RECQL5: variants seen among roughly 807,000 people sequenced by gnomAD.
RECQL5 encodes RecQ like helicase 5.
In RECQL5, 88 loss-of-function variants were observed where a neutral mutation model predicts 103.4. That is an observed-to-expected ratio of 0.85 (90% CI 0.72 to 1.02). RECQL5 has a LOEUF of 1.02. RECQL5 is among the 50% of genes least tolerant of loss of function. The probability of loss-of-function intolerance (pLI) is 0.00; values close to 1 mark genes in which losing one functional copy is unlikely to be tolerated. For synonymous variants in RECQL5, 552 were observed against 507.9 expected (o/e 1.09, Z -1.17); for missense variants, 1,232 against 1,284.3 (o/e 0.96, Z 0.62).
chr17:75,657,763 A>C (rs1420419622), intron 7 of RECQL5, among the ~76,000 whole-genome samples: 1 of 151,826 alleles, frequency 6.6e-6, no homozygotes, highest in African/African-American at 2.4e-5. Flanking sequence ...AAAAAAAAAA[A>C]AAAAAGGTGG....
chr17:75,651,005 G>C, intron 8 of RECQL5, 181 bp downstream of exon 8: 1 of 1,512,018 alleles, frequency 6.6e-7, no homozygotes. Context: ...GAGAGATCCC[G>C]GGGCCTCCAA....
Position 75,655,990 on chromosome 17 carries a change from T to C in RECQL5, c.1149+2308A>G, listed in dbSNP as rs530355745. Among the ~76,000 whole-genome samples, 5 of 150,502 alleles carry C rather than the reference T, an allele frequency of 3.3e-5. No homozygotes were observed. In the East Asian group the frequency reaches 1.0e-3, roughly 31 times the overall value. ...AGCCACTGCTCCTGGCCCCAGAGCT[T>C]GTTTTCTCTTGGTGAGATTTTAGTT... is the stretch of plus-strand genomic sequence containing the variant. On this transcript the variant is annotated intron_variant, in intron 7 of 19. Transcript: ENST00000317905.
intron 4 of RECQL5, among the ~76,000 whole-genome samples, chr17:75,662,169 A>T (rs986256997): frequency 2.6e-5 from 4 of 152,136 alleles, no homozygotes; most frequent in African/African-American, 7.2e-5. Context: ...CTCAAAAAAA[A>T]AACAGGCCAA....
chr17:75,658,619 C>T (rs888338122), intron 6 of RECQL5, among the ~76,000 whole-genome samples, 159 bp from the exon 7 acceptor site: 5 of 152,110 alleles, frequency 3.3e-5, no homozygotes, highest in East Asian at 3.9e-4. Context: ...CCCATCAGCA[C>T]GTCTCCCTTC....
Position 75,640,102 on chromosome 17 carries a change from C to A in RECQL5, c.1230-8434G>T. 7.0e-7 allele frequency: 1 copy of A among 1,425,938 alleles called. No homozygotes were observed. The highest frequency in any genetic ancestry group is 9.2e-7 in the Non-Finnish European group (1 of 1,087,988). The allele number at this position is 1,425,938 out of a possible 1,614,324, so 88.3% of individuals were successfully genotyped here. ...CTGCGGATGGGTGCGAGGGTGGAAT[C>A]TCGGTGCTGCGACGAGTGTGGGGCC... On this transcript the variant is annotated intron_variant, in intron 8 of 19. Coordinates refer to ENST00000317905, the MANE Select transcript of RECQL5 (RefSeq NM_004259.7). This position sits in a 1 kb window ranked among gnomAD's most constrained non-coding sequence, Gnocchi z 4.6.
Position 75,629,870 on chromosome 17 carries a change from G to A in RECQL5, c.1813-28C>T, listed in dbSNP as rs780374105. The A allele has an allele frequency of 9.7e-6, 15 of 1,553,754 alleles. No homozygotes were observed. The African/African-American group carries it at 1.9e-4, about 20-fold the overall frequency. On this transcript the variant is annotated intron_variant, in intron 14 of 19. Transcript: ENST00000317905. ...GGGCAGGGATAGGCAGGGAGGCTGT[G>A]GCACCCGCCAGCTCCTCCTGACATG... is the stretch of plus-strand genomic sequence containing the variant.
intron 8 of RECQL5, chr17:75,639,044 A>T (rs892755879): frequency 6.6e-6 from 1 of 152,220 alleles, no homozygotes; most frequent in Non-Finnish European, 1.5e-5. Flanking sequence ...TCATGCAAAG[A>T]CCACATGGCC....
intron 8 of RECQL5, chr17:75,650,746 G>A: frequency 6.2e-7 from 1 of 1,606,800 alleles, no homozygotes; most frequent in East Asian, 2.3e-5. Context: ...ACAGATGCGT[G>A]AGTTCAAAGC....
chr17:75,658,225 G>A (rs1254090222), intron 7 of RECQL5, 73 bp downstream of exon 7: 3 of 1,514,550 alleles, frequency 2.0e-6, no homozygotes, highest in Admixed American at 1.9e-5. Context: ...CATCATCAGA[G>A]TTCAGAAATC....
rs759212660 is a variant in RECQL5, at chr17:75,630,287, C to A, written c.1719-10G>T. On this transcript the variant is annotated splice_polypyrimidine_tract_variant and intron_variant, in intron 13 of 19. Transcript: ENST00000317905. The stretch of plus-strand genomic sequence containing the variant: ...GGCCCGGAGGTCAGCTCTGTGGGTG[C>A]AAGGTAACAGGCACAAGGTATCAGG... 6.5e-7 allele frequency: 1 copy of A among 1,548,038 alleles called. No homozygotes were observed. The highest frequency in any genetic ancestry group is 8.7e-7 in the Non-Finnish European group (1 of 1,145,518).
At chr17:75,633,529 C>A in intron 8 of RECQL5, 1 of 1,286,800 alleles carries the variant, frequency 7.8e-7, no homozygotes. Context: ...TCCAAGTTCT[C>A]CCCCAAGACG....
At chr17:75,634,991 G>A (rs1339951161) in intron 8 of RECQL5, among the ~76,000 whole-genome samples, 4 of 152,170 alleles carry the variant, frequency 2.6e-5, no homozygotes, top group Admixed American at 2.0e-4. Context: ...GGAACACTGA[G>A]AGCAGCCCTC....
intron 1 of RECQL5, 58 bp from the exon 2 acceptor site, chr17:75,666,629 C>T (rs2059787620): frequency 4.0e-6 from 6 of 1,513,812 alleles, no homozygotes; most frequent in Admixed American, 2.0e-5. Context: ...CTCTGTTTTG[C>T]ATTAAAAATA....
chr17:75,664,892 G>A (rs1352851850), intron 3 of RECQL5, among the ~76,000 whole-genome samples, 159 bp downstream of exon 3: 7 of 132,776 alleles, frequency 5.3e-5, no homozygotes, highest in South Asian at 2.3e-4. Flanking sequence ...CAGCCTAGGC[G>A]ACAGAGTAAG....
At chr17:75,660,743 G>C (rs185841684) in intron 6 of RECQL5, among the ~76,000 whole-genome samples, 1 of 152,234 alleles carries the variant, frequency 6.6e-6, no homozygotes, top group Non-Finnish European at 1.5e-5. Context: ...CCCCATCCTG[G>C]GGGGTGCCAG....
chr17:75,644,200 G>A (rs908323150), intron 8 of RECQL5, among the ~76,000 whole-genome samples: 1 of 152,226 alleles, frequency 6.6e-6, no homozygotes, highest in African/African-American at 2.4e-5. Context: ...AGCTACTCGG[G>A]AGGCTGAAGC....
In RECQL5 at chr17:75,650,639, C is replaced by A. The variant is rs1482286297; in HGVS notation, c.1229+547G>T. On this transcript the variant is annotated intron_variant, in intron 8 of 19. Coordinates refer to ENST00000317905, the MANE Select transcript of RECQL5 (RefSeq NM_004259.7). Reference sequence around the variant, plus strand: ...CTCCTGGGTGTCTCTCCTGCAGGCACTCACAGCTCCGCATGCCTGGACACA... The same window carrying A: ...CTCCTGGGTGTCTCTCCTGCAGGCAATCACAGCTCCGCATGCCTGGACACA... 3.1e-6 allele frequency: 5 copies of A among 1,613,502 alleles called. No individual in the cohort carries two copies. The East Asian group carries it at 8.9e-5, about 29-fold the overall frequency.
At chr17:75,641,757 G>A (rs1339741149) in intron 8 of RECQL5, among the ~76,000 whole-genome samples, 2 of 152,234 alleles carry the variant, frequency 1.3e-5, no homozygotes, top group Non-Finnish European at 2.9e-5. Context: ...ACTCAGACCA[G>A]TGGGTCTTCA....
At position 75,626,873 on chromosome 17, in the gene RECQL5, C is replaced by T; in HGVS notation, c.*549G>A. On this transcript the variant is annotated 3_prime_UTR_variant, in exon 20 of 20. Coordinates refer to ENST00000317905, the MANE Select transcript of RECQL5 (RefSeq NM_004259.7). The stretch of plus-strand genomic sequence containing the variant: ...AAGGGCTGTGTGCACGCCTGCATGC[C>T]CCACAACAACACAACTTTATTCCTC... 1 of 383,044 alleles carries T rather than the reference C, an allele frequency of 2.6e-6. No homozygotes were observed. The highest frequency in any genetic ancestry group is 4.9e-6 in the Non-Finnish European group (1 of 202,322). 23.7% of individuals were successfully genotyped at this position (383,044 alleles called of 1,614,324 possible).
Sources: gnomAD v4.1 joint callset for allele counts (sites outside exome capture counted in the v4.1 genomes callset) on GRCh38, gnomAD v4.1.1 for gene constraint, Gnocchi (gnomAD v3.1) non-coding constraint, MANE v1.5 for transcripts, NCBI Gene and HGNC (gene_info 2026-07-23, HGNC 2026-07-21) for gene names.